TACC1: variants seen among roughly 807,000 people sequenced by gnomAD.
TACC1 encodes the protein transforming acidic coiled-coil-containing protein 1.
A neutral mutation model predicts 84.4 loss-of-function variants in TACC1; 48 were observed. The ratio of observed to expected loss-of-function variants is 0.57; its 90% CI spans 0.45 to 0.72. The LOEUF (loss-of-function observed/expected upper bound fraction) is 0.72, where lower values mean the gene tolerates loss of function less well. TACC1 is among the 30% of genes least tolerant of loss of function. The pLI, the probability that TACC1 is intolerant of heterozygous loss-of-function variation, is 0.00. For synonymous variants in TACC1, 372 were observed against 376.3 expected (o/e 0.99, Z 0.13); for missense variants, 920 against 973.0 (o/e 0.95, Z 0.72).
intron 1 of TACC1, among the ~76,000 whole-genome samples, chr8:38,734,351 C>A (rs1805541814): frequency 6.6e-6 from 1 of 152,148 alleles, no homozygotes; most frequent in Admixed American, 6.5e-5. Context: ...TGCCACCACA[C>A]CAGCTAATTT....
At chr8:38,835,201 C>A (rs1209915780) in intron 6 of TACC1, among the ~76,000 whole-genome samples, 1 of 151,538 alleles carries the variant, frequency 6.6e-6, no homozygotes, top group East Asian at 1.9e-4. Flanking sequence ...TTGCAGCGAG[C>A]CGAGATTGCG....
At chr8:38,755,918 G>T (rs181381375) in intron 3 of TACC1, among the ~76,000 whole-genome samples, 1 of 151,728 alleles carries the variant, frequency 6.6e-6, no homozygotes, top group African/African-American at 2.4e-5. Flanking sequence ...GGGTTCAAGC[G>T]ATTCTCCTGC....
At chr8:38,756,933 A>G (rs1360807205) in intron 3 of TACC1, among the ~76,000 whole-genome samples, 1 of 151,642 alleles carries the variant, frequency 6.6e-6, no homozygotes, top group Non-Finnish European at 1.5e-5. Flanking sequence ...CCAGCCCCGG[A>G]CCCAGCGGGC....
chr8:38,824,934 A>G (rs910275557), intron 3 of TACC1, among the ~76,000 whole-genome samples: 1 of 152,226 alleles, frequency 6.6e-6, no homozygotes, highest in African/African-American at 2.4e-5. Context: ...ATGAATGTCA[A>G]AGCCAAGCGA....
At chr8:38,784,301 G>A (rs1284628082), upstream of TACC1, among the ~76,000 whole-genome samples, 3 of 152,178 alleles carry the variant, frequency 2.0e-5, no homozygotes, top group South Asian at 2.1e-4. Context: ...GGCCGGGTGC[G>A]GTGGCTCACA....
chr8:38,735,499 A>G (rs1391562702), intron 1 of TACC1, among the ~76,000 whole-genome samples: 1 of 152,078 alleles, frequency 6.6e-6, no homozygotes, highest in Non-Finnish European at 1.5e-5. Flanking sequence ...GTTTAGAGGG[A>G]GGGGAGTGTG....
At chr8:38,785,337 CTGGCGGA>C (rs1816927696), upstream of TACC1, among the ~76,000 whole-genome samples, 1 of 152,122 alleles carries the variant, frequency 6.6e-6, no homozygotes, top group Non-Finnish European at 1.5e-5. Context: ...TTTAAGAAGG[CTGGCGGA>C]TGATTCTTGG....
intron 1 of TACC1, among the ~76,000 whole-genome samples, chr8:38,730,826 A>G (rs1804782554): frequency 6.6e-6 from 1 of 152,260 alleles, no homozygotes; most frequent in Admixed American, 6.5e-5. Flanking sequence ...GTGGGAAGGA[A>G]GAGTGCTCCT....
chr8:38,787,151 C>T (rs1207649226), upstream of TACC1: 2 of 984,168 alleles, frequency 2.0e-6, no homozygotes, highest in African/African-American at 1.8e-5. Flanking sequence ...CCCGCGCGCG[C>T]GCGCGAGTAG....
chr8:38,759,980 C>T (rs1274485481), intron 3 of TACC1, among the ~76,000 whole-genome samples: 2 of 151,950 alleles, frequency 1.3e-5, no homozygotes, highest in Non-Finnish European at 2.9e-5. Context: ...ACGCTGACCT[C>T]AAGGAAGTTC....
chr8:38,832,609 G>A (rs1383609602), intron 6 of TACC1, among the ~76,000 whole-genome samples: 1 of 152,222 alleles, frequency 6.6e-6, no homozygotes, highest in Non-Finnish European at 1.5e-5. Context: ...GTGCCCAGCA[G>A]TAGGTGGTGG....
chr8:38,793,022 C>A (rs918403650), intron 2 of TACC1, among the ~76,000 whole-genome samples: 5 of 152,150 alleles, frequency 3.3e-5, no homozygotes, highest in African/African-American at 1.2e-4. Flanking sequence ...AACATAGCCC[C>A]CCTTCCCCAA....
chr8:38,826,960 C>A (rs1334261694), intron 4 of TACC1, among the ~76,000 whole-genome samples: 2 of 152,144 alleles, frequency 1.3e-5, no homozygotes, highest in Non-Finnish European at 2.9e-5. Flanking sequence ...TTTAAAACCT[C>A]AGACTCAAGT....
intron 3 of TACC1, among the ~76,000 whole-genome samples, chr8:38,767,564 T>C (rs550092385): frequency 1.3e-5 from 2 of 152,302 alleles, no homozygotes; most frequent in Admixed American, 6.5e-5. Context: ...GTGGGCTTCT[T>C]TTACCTGTTT....
At chr8:38,786,943 AG>A (rs1419940656), upstream of TACC1, among the ~76,000 whole-genome samples, 1 of 151,962 alleles carries the variant, frequency 6.6e-6, no homozygotes, top group Non-Finnish European at 1.5e-5. Context: ...ATAAGGAAAG[AG>A]GAAGAGGACA....
chr8:38,732,358 G>A (rs1308275614), intron 1 of TACC1, among the ~76,000 whole-genome samples: 1 of 151,228 alleles, frequency 6.6e-6, no homozygotes, highest in East Asian at 1.9e-4. Context: ...TTTTTGGAAG[G>A]ATGACTTTAG....
chr8:38,813,801 C>A (rs1824796978), intron 2 of TACC1, among the ~76,000 whole-genome samples: 1 of 152,186 alleles, frequency 6.6e-6, no homozygotes, highest in Admixed American at 6.5e-5. Flanking sequence ...ATCTCAGAAT[C>A]TTGGGACTTG....
intron 6 of TACC1, among the ~76,000 whole-genome samples, chr8:38,832,807 C>G (rs754168324): frequency 2.0e-5 from 3 of 152,152 alleles, no homozygotes; most frequent in African/African-American, 4.8e-5. Flanking sequence ...TGATACTGCT[C>G]TCTTGTGATT....
At chr8:38,782,601 GTT>G (rs1353077378), upstream of TACC1, among the ~76,000 whole-genome samples, 16 of 152,282 alleles carry the variant, frequency 1.1e-4, no homozygotes, top group Non-Finnish European at 2.2e-4. Context: ...AGGAATCTGA[GTT>G]CAACAGAAGG....
Sources: allele counts gnomAD v4.1 joint callset (sites outside exome capture counted in the v4.1 genomes callset), GRCh38; gene constraint gnomAD v4.1.1; transcripts MANE v1.5; gene names NCBI Gene and HGNC (gene_info 2026-07-23, HGNC 2026-07-21).